The following WTAP variants were observed in gnomAD, a reference collection of about 807,000 sequenced individuals.
WTAP encodes the protein pre-mRNA-splicing regulator WTAP.
Under a neutral mutation model 50.0 loss-of-function variants are expected in WTAP, and 8 were observed. That is an observed-to-expected ratio of 0.16 (90% CI 0.09 to 0.29). The LOEUF is 0.29. WTAP is among the 10% of genes least tolerant of loss of function. The pLI, the probability that WTAP is intolerant of heterozygous loss-of-function variation, is 1.00. For synonymous variants in WTAP, 194 were observed against 169.0 expected (o/e 1.15, Z -1.15); for missense variants, 295 against 470.7 (o/e 0.63, Z 3.45).
chr6:159,739,179 G>A lies in WTAP; in HGVS notation c.86+134G>A, dbSNP rs768959959. On this transcript the variant is annotated intron_variant, in intron 3 of 7. Transcript: ENST00000621533. ...TCAAATAATTTAATGTACTTTTTGA[G>A]CATACTATGACCTATTTCTTATATT... 7.4e-6 allele frequency: 5 copies of A among 676,726 alleles called. No individual in the cohort carries two copies. In the Admixed American group the frequency reaches 1.7e-4, roughly 24 times the overall value. The allele number at this position is 676,726 out of a possible 1,614,324, so 41.9% of individuals were successfully genotyped here. A position where few individuals can be genotyped will look rare whatever the true frequency, so the allele number is the denominator to read the frequency against.
At position 159,748,113 on chromosome 6, in the gene WTAP, G is replaced by A. The variant is rs1779685099; in HGVS notation, c.274-78G>A. On this transcript the variant is annotated intron_variant, in intron 5 of 7. Transcript: ENST00000621533. This position sits in a 1 kb window ranked among gnomAD's most constrained non-coding sequence, Gnocchi z 5.6. ...TAATGAAAGAGTTGGTAAATCAAGTGAATGGAGGGAGTTTTCCCCACCTTC... is the reference window on the plus strand; with the variant it reads ...TAATGAAAGAGTTGGTAAATCAAGTAAATGGAGGGAGTTTTCCCCACCTTC... 3 of 1,513,374 alleles carry A rather than the reference G, an allele frequency of 2.0e-6. No homozygotes were observed. The Admixed American group carries it at 6.0e-5, about 30-fold the overall frequency. The allele number at this position is 1,513,374 out of a possible 1,614,324, so 93.7% of individuals were successfully genotyped here.
chr6:159,737,642 C>CA lies in WTAP; in HGVS notation c.31-1347dup, dbSNP rs1174675144. ...AAAGTAGCTCAGACTACAGGTGTGC[C>CA]ACTACGCCTGGCTAATTTTTGTATT... is the stretch of plus-strand genomic sequence containing the variant. On this transcript the variant is annotated intron_variant, in intron 2 of 7. Transcript: ENST00000621533. Among the ~76,000 whole-genome samples, 3 of 151,912 alleles carry CA rather than the reference C, an allele frequency of 2.0e-5. No homozygotes were observed. The East Asian group carries it at 5.8e-4, about 29-fold the overall frequency.
chr6:159,740,355 TAAC>T (rs1779178210), intron 3 of WTAP, among the ~76,000 whole-genome samples: 1 of 152,240 alleles, frequency 6.6e-6, no homozygotes, highest in African/African-American at 2.4e-5. Flanking sequence ...GAGGTCAGTT[TAAC>T]ATCTTTCCTT....
At chr6:159,729,519 C>A (rs1778435846) in intron 1 of WTAP, among the ~76,000 whole-genome samples, 1 of 152,152 alleles carries the variant, frequency 6.6e-6, no homozygotes, top group African/African-American at 2.4e-5. Context: ...TTAATCTTTT[C>A]TAAGTGCACA....
intron 2 of WTAP, among the ~76,000 whole-genome samples, chr6:159,737,717 C>G (rs1779006803): frequency 6.6e-6 from 1 of 152,062 alleles, no homozygotes; most frequent in Admixed American, 6.5e-5. Context: ...ATCTTGAACT[C>G]CCGAGTTCAA....
chr6:159,752,211 G>A (rs376171565), intron 6 of WTAP, among the ~76,000 whole-genome samples: 6 of 152,262 alleles, frequency 3.9e-5, no homozygotes, highest in South Asian at 2.1e-4. Flanking sequence ...AAGAAGGAAA[G>A]ACTAGAATTT....
At chr6:159,726,757 A>C, upstream of WTAP, 1 of 1,286,660 alleles carries the variant, frequency 7.8e-7, no homozygotes, top group Non-Finnish European at 1.0e-6. Context: ...ATGCGTCTCC[A>C]GAGATGTCAA....
At chr6:159,746,064 T>C (rs1448057037) in intron 5 of WTAP, among the ~76,000 whole-genome samples, 1 of 152,142 alleles carries the variant, frequency 6.6e-6, no homozygotes, top group Admixed American at 6.5e-5. Context: ...CAGCATTCCC[T>C]CCTCCTTCCC....
chr6:159,751,102 T>A (rs1779803581), intron 6 of WTAP, among the ~76,000 whole-genome samples: 1 of 152,240 alleles, frequency 6.6e-6, no homozygotes, highest in Admixed American at 6.5e-5. Context: ...GGTTGATTTT[T>A]TTGTTTGTAA....
intron 7 of WTAP, among the ~76,000 whole-genome samples, chr6:159,754,144 A>G (rs1487586853): frequency 6.6e-6 from 1 of 152,194 alleles, no homozygotes; most frequent in African/African-American, 2.4e-5. Context: ...TGTAAGGTGC[A>G]TTATTAATAA....
chr6:159,736,189 G>A (rs1217960083), intron 1 of WTAP, 69 bp from the exon 2 acceptor site: 13 of 1,443,364 alleles, frequency 9.0e-6, no homozygotes, highest in Non-Finnish European at 1.1e-5. Context: ...GAAAGAGTCA[G>A]TATTTTTTAT....
chr6:159,730,700 T>C (rs1377938103), intron 1 of WTAP, among the ~76,000 whole-genome samples: 2 of 152,264 alleles, frequency 1.3e-5, no homozygotes, highest in African/African-American at 4.8e-5. Flanking sequence ...ACTGAGGCTC[T>C]GAATTTCCCA....
intron 5 of WTAP, among the ~76,000 whole-genome samples, chr6:159,745,710 G>A (rs1392467424): frequency 6.6e-6 from 1 of 152,188 alleles, no homozygotes; most frequent in Non-Finnish European, 1.5e-5. Flanking sequence ...ATCAGATTTA[G>A]ATTTACATTT....
At position 159,737,107 on chromosome 6, in the gene WTAP, G is replaced by A. The variant is rs574818373; in HGVS notation, c.30+812G>A. Among the ~76,000 whole-genome samples, 5 of 152,300 alleles carry A rather than the reference G, an allele frequency of 3.3e-5. No homozygotes were observed. In the East Asian group the frequency reaches 7.7e-4, roughly 23 times the overall value. On this transcript the variant is annotated intron_variant, in intron 2 of 7. Transcript: ENST00000621533. The stretch of plus-strand genomic sequence containing the variant: ...CTCTTGCCCAGGTTGGAGTGCAGTG[G>A]TGCAATCTTGGCTTACTGCAGTCTC...
Position 159,755,296 on chromosome 6 carries a change from T to A in WTAP, c.876T>A (p.Phe292Leu). The change falls in exon 8 of 8, where the codon TTT (phenylalanine) becomes TTA (leucine). Residue 292 changes from phenylalanine (F) to leucine (L), a missense_variant. By Grantham distance (22) the Phe-to-Leu change is conservative. Coordinates refer to ENST00000621533, the MANE Select transcript of WTAP (RefSeq NM_001270531.2). ...SSRQRTSGSGFHREGNTTEDD... is the reference protein window; with the variant it reads ...SSRQRTSGSGLHREGNTTEDD... The stretch of plus-strand genomic sequence containing the variant: ...GCCAGAGGACGTCTGGGTCTGGATT[T>A]CACAGGGAGGGCAACACAACCGAAG... The A allele has an allele frequency of 2.5e-6, 4 of 1,614,250 alleles. No individual in the cohort carries two copies. The highest frequency in any genetic ancestry group is 3.4e-6 in the Non-Finnish European group (4 of 1,180,048).
chr6:159,739,265 T>C (rs976488966), intron 3 of WTAP, among the ~76,000 whole-genome samples: 6 of 152,222 alleles, frequency 3.9e-5, no homozygotes, highest in African/African-American at 7.2e-5. Flanking sequence ...TTAACAAATA[T>C]ATGGCTTGTT....
chr6:159,740,095 T>A (rs368693451), intron 3 of WTAP, among the ~76,000 whole-genome samples: 6 of 152,176 alleles, frequency 3.9e-5, no homozygotes, highest in South Asian at 2.1e-4. Context: ...TTCTCTCACC[T>A]TGGCCTCCCA....
At position 159,755,741 on chromosome 6, in the gene WTAP, T is replaced by C; in HGVS notation, c.*130T>C. On this transcript the variant is annotated 3_prime_UTR_variant, in exon 8 of 8. Transcript: ENST00000621533. ...CGTTTTGGTTTTTTTTTGTTGTTTT[T>C]TTTCTTTGTTTTTTTTTTCTTTTCT... 1 of 1,199,848 alleles carries C rather than the reference T, an allele frequency of 8.3e-7. No individual in the cohort carries two copies. 74.3% of individuals were successfully genotyped at this position (1,199,848 alleles called of 1,614,324 possible).
At chr6:159,735,988 A>G (rs1778889498) in intron 1 of WTAP, among the ~76,000 whole-genome samples, 1 of 152,176 alleles carries the variant, frequency 6.6e-6, no homozygotes, top group African/African-American at 2.4e-5. Context: ...CAGCTTTTTT[A>G]CGAGGGAATT....
Sources: allele counts gnomAD v4.1 joint callset (sites outside exome capture counted in the v4.1 genomes callset), GRCh38; gene constraint gnomAD v4.1.1; non-coding constraint Gnocchi (gnomAD v3.1); transcripts MANE v1.5; gene names NCBI Gene and HGNC (gene_info 2026-07-23, HGNC 2026-07-21).